The following CCDC146 variants were observed in gnomAD, a reference collection of about 807,000 sequenced individuals.
CCDC146 encodes coiled-coil domain-containing protein 146.
A neutral mutation model predicts 119.3 loss-of-function variants in CCDC146; 92 were observed. That is an observed-to-expected ratio of 0.77 (90% CI 0.65 to 0.92). The LOEUF (loss-of-function observed/expected upper bound fraction) is 0.92. CCDC146 is among the 40% of genes least tolerant of loss of function. CCDC146 has a pLI of 0.00. For synonymous variants in CCDC146, 372 were observed against 371.8 expected (o/e 1.00, Z -0.01); for missense variants, 1,000 against 1,103.0 (o/e 0.91, Z 1.32).
chr7:77,198,663 A>G (rs1284390600), intron 2 of CCDC146: 2 of 154,230 alleles, frequency 1.3e-5, no homozygotes, highest in Non-Finnish European at 2.9e-5. Context: ...CACACATATG[A>G]AACTGCTTTT....
At chr7:77,153,412 A>G (rs1265029143) in intron 1 of CCDC146, among the ~76,000 whole-genome samples, 4 of 147,290 alleles carry the variant, frequency 2.7e-5, no homozygotes, top group Admixed American at 1.4e-4. Flanking sequence ...AGCAAGGAGG[A>G]CAGTGGGACT....
chr7:77,243,039 C>G (rs899817875), intron 4 of CCDC146, among the ~76,000 whole-genome samples: 2 of 152,134 alleles, frequency 1.3e-5, no homozygotes, highest in African/African-American at 2.4e-5. Flanking sequence ...TATTTCTGTG[C>G]TCTGTAAGTG....
At chr7:77,149,161 A>G (rs554690874) in intron 1 of CCDC146, among the ~76,000 whole-genome samples, 1 of 152,350 alleles carries the variant, frequency 6.6e-6, no homozygotes, top group African/African-American at 2.4e-5. Flanking sequence ...CAGAGGCCCC[A>G]GAAATAACAC....
At chr7:77,175,489 A>C (rs1187812582) in intron 2 of CCDC146, among the ~76,000 whole-genome samples, 1 of 150,630 alleles carries the variant, frequency 6.6e-6, no homozygotes, top group Non-Finnish European at 1.5e-5. Flanking sequence ...GATGTGTACC[A>C]ATCATCATGG....
At chr7:77,186,746 C>G (rs1017897479) in intron 2 of CCDC146, among the ~76,000 whole-genome samples, 3 of 151,934 alleles carry the variant, frequency 2.0e-5, no homozygotes, top group African/African-American at 4.8e-5. Flanking sequence ...ATCAGGCAGC[C>G]CCCAAAATCA....
chr7:77,204,701 C>T (rs1233339104), intron 2 of CCDC146, among the ~76,000 whole-genome samples: 5 of 152,156 alleles, frequency 3.3e-5, no homozygotes, highest in East Asian at 1.9e-4. Context: ...TCAGTCAATA[C>T]CTATCAACAA....
chr7:77,187,296 A>G (rs1313293663), intron 2 of CCDC146, among the ~76,000 whole-genome samples: 7 of 152,034 alleles, frequency 4.6e-5, no homozygotes, highest in South Asian at 2.1e-4. Flanking sequence ...TTTACAGGAG[A>G]AAAAAAACCA....
At chr7:77,212,722 G>C (rs1792212214) in intron 2 of CCDC146, among the ~76,000 whole-genome samples, 1 of 151,416 alleles carries the variant, frequency 6.6e-6, no homozygotes, top group African/African-American at 2.4e-5. Context: ...AAAGAAAAGA[G>C]TAAATTATTC....
intron 1 of CCDC146, among the ~76,000 whole-genome samples, chr7:77,147,631 C>T (rs1487791974): frequency 1.3e-5 from 2 of 152,228 alleles, no homozygotes; most frequent in Non-Finnish European, 2.9e-5. Context: ...TTCTAACAGT[C>T]AGGACCCTCA....
intron 2 of CCDC146, among the ~76,000 whole-genome samples, chr7:77,221,493 A>C (rs527607019): frequency 6.6e-6 from 1 of 152,272 alleles, no homozygotes; most frequent in Non-Finnish European, 1.5e-5. Flanking sequence ...AGTGGCCCAA[A>C]TCACATGTGG....
intron 2 of CCDC146, among the ~76,000 whole-genome samples, chr7:77,170,949 G>C (rs1791411949): frequency 6.6e-6 from 1 of 152,090 alleles, no homozygotes; most frequent in Non-Finnish European, 1.5e-5. Context: ...AAAAAGAAAT[G>C]CTTATCTTTG....
Position 77,280,655 on chromosome 7 carries a change from T to C in CCDC146, c.1919+2T>C, listed in dbSNP as rs771262003. On this transcript the variant is annotated splice_donor_variant, in intron 14 of 18. Transcript: ENST00000285871. LOFTEE classifies it high-confidence loss of function. The stretch of plus-strand genomic sequence containing the variant: ...AGCTGTTCAGCATCGAAATGAAAGG[T>C]AAAAACCAGGTGTGAGAACAGAGCA... 6.9e-6 allele frequency: 11 copies of C among 1,604,146 alleles called. No individual in the cohort carries two copies. Among genetic ancestry groups the C allele is most frequent in the African/African-American group, 2.7e-5 (2 of 74,420 alleles).
intron 2 of CCDC146, among the ~76,000 whole-genome samples, chr7:77,168,563 AG>A (rs1454087083): frequency 2.0e-5 from 3 of 152,124 alleles, no homozygotes; most frequent in African/African-American, 7.2e-5. Context: ...TTAAAAACCA[AG>A]AAGCAAAACC....
At chr7:77,289,184 C>T (rs1793900261) in intron 17 of CCDC146, among the ~76,000 whole-genome samples, 1 of 152,242 alleles carries the variant, frequency 6.6e-6, no homozygotes, top group African/African-American at 2.4e-5. Flanking sequence ...TAAACGTTGC[C>T]TTCCTTCCTT....
intron 2 of CCDC146, chr7:77,199,129 C>T: frequency 1.3e-6 from 2 of 1,482,674 alleles, no homozygotes; most frequent in African/African-American, 2.8e-5. Context: ...TAGATACTCT[C>T]TAGCTGTATA....
intron 1 of CCDC146, among the ~76,000 whole-genome samples, chr7:77,163,114 G>C (rs987340707): frequency 2.6e-5 from 4 of 152,122 alleles, no homozygotes; most frequent in African/African-American, 9.7e-5. Context: ...CTGAGAAATT[G>C]TCTGAACCTA....
chr7:77,143,547 T>C (rs1165656839), intron 1 of CCDC146, among the ~76,000 whole-genome samples: 1 of 152,114 alleles, frequency 6.6e-6, no homozygotes, highest in Non-Finnish European at 1.5e-5. Context: ...TTTATGGTTT[T>C]AGGTCTAACA....
intron 8 of CCDC146, 150 bp from the exon 9 acceptor site, chr7:77,261,971 A>C (rs1793308516): frequency 9.9e-6 from 6 of 608,586 alleles, no homozygotes; most frequent in Admixed American, 9.3e-5. Context: ...CAGTAATAGG[A>C]TTGCTGGGTC....
intron 2 of CCDC146, among the ~76,000 whole-genome samples, chr7:77,172,030 C>T (rs545654845): frequency 1.2e-4 from 18 of 152,150 alleles, no homozygotes; most frequent in Non-Finnish European, 2.4e-4. Flanking sequence ...TTTCAATAAT[C>T]GTTTCAAAGA....
Sources: gnomAD v4.1 joint callset for allele counts (sites outside exome capture counted in the v4.1 genomes callset) on GRCh38, gnomAD v4.1.1 for gene constraint, MANE v1.5 for transcripts, NCBI Gene and HGNC (gene_info 2026-07-23, HGNC 2026-07-21) for gene names.